Variants in SIPA1L1 observed in about 807,000 individuals in gnomAD.
SIPA1L1 encodes signal induced proliferation associated 1 like 1, also known as signal-induced proliferation-associated 1-like protein 1.
SIPA1L1 carries 26 observed loss-of-function variants against 162.7 expected under a neutral mutation model. The observed-to-expected ratio is 0.16, with a 90% CI of 0.12 to 0.22. The LOEUF is 0.22. Ranked by LOEUF, SIPA1L1 falls within the 10% of genes least tolerant of loss-of-function variation. The probability of loss-of-function intolerance (pLI) is 1.00; values close to 1 mark genes in which losing one functional copy is unlikely to be tolerated. For synonymous variants in SIPA1L1, 829 were observed against 837.4 expected (o/e 0.99, Z 0.17); for missense variants, 1,874 against 2,241.0 (o/e 0.84, Z 3.31).
At chr14:71,637,765 G>A (rs2041309500) in intron 7 of SIPA1L1, among the ~76,000 whole-genome samples, 1 of 151,802 alleles carries the variant, frequency 6.6e-6, no homozygotes, top group Admixed American at 6.6e-5. Flanking sequence ...TAGGTAGAGG[G>A]AAAAACATGG....
At chr14:71,481,381 A>T (rs182703027) in intron 2 of SIPA1L1, among the ~76,000 whole-genome samples, 34 of 152,256 alleles carry the variant, frequency 2.2e-4, no homozygotes, top group Non-Finnish European at 4.7e-4. Context: ...TGGGATGCTG[A>T]GGTGGGAGGA....
chr14:71,524,057 C>T (rs1046910715), intron 3 of SIPA1L1, among the ~76,000 whole-genome samples: 1 of 152,098 alleles, frequency 6.6e-6, no homozygotes, highest in African/African-American at 2.4e-5. Flanking sequence ...ATGTTATTAC[C>T]CTTAGGCTCT....
At chr14:71,524,832 T>A (rs2052701118) in intron 3 of SIPA1L1, among the ~76,000 whole-genome samples, 1 of 152,210 alleles carries the variant, frequency 6.6e-6, no homozygotes, top group Non-Finnish European at 1.5e-5. Context: ...ACCGACTCAT[T>A]CATGTCTCCA....
At chr14:71,661,494 T>G in intron 10 of SIPA1L1, 27 bp downstream of exon 10, 4 of 1,600,632 alleles carry the variant, frequency 2.5e-6, no homozygotes, top group Non-Finnish European at 2.6e-6. Flanking sequence ...CAGCAGGGGC[T>G]CTGTGGATGT....
intron 7 of SIPA1L1, among the ~76,000 whole-genome samples, chr14:71,649,840 A>G (rs1236375846): frequency 6.6e-6 from 1 of 152,136 alleles, no homozygotes; most frequent in Non-Finnish European, 1.5e-5. Flanking sequence ...GTATTGGGAG[A>G]TAAGTCTTTT....
At chr14:71,673,114 T>A (rs1355859250) in intron 12 of SIPA1L1, among the ~76,000 whole-genome samples, 1 of 152,252 alleles carries the variant, frequency 6.6e-6, no homozygotes, top group Non-Finnish European at 1.5e-5. Flanking sequence ...CTGCATGTGC[T>A]AGGGTTTGGC....
chr14:71,494,223 T>G (rs1439319938), intron 2 of SIPA1L1, among the ~76,000 whole-genome samples: 1 of 152,214 alleles, frequency 6.6e-6, no homozygotes, highest in African/African-American at 2.4e-5. Flanking sequence ...AGGGAAAGCT[T>G]TCAGTCTTTT....
chr14:71,423,098 CT>C (rs2043306114), intron 2 of SIPA1L1, among the ~76,000 whole-genome samples: 1 of 152,082 alleles, frequency 6.6e-6, no homozygotes, highest in African/African-American at 2.4e-5. Context: ...TTTTTATGTG[CT>C]TATTGGCCAT....
chr14:71,735,669 A>G (rs2085220946), intron 22 of SIPA1L1: 2 of 315,632 alleles, frequency 6.3e-6, no homozygotes, highest in African/African-American at 4.3e-5. Context: ...GGCAGGTAGG[A>G]GAGACCATTT....
At chr14:71,658,000 A>G (rs1316908744) in intron 8 of SIPA1L1, among the ~76,000 whole-genome samples, 1 of 152,150 alleles carries the variant, frequency 6.6e-6, no homozygotes, top group Non-Finnish European at 1.5e-5. Context: ...TAGATATTAG[A>G]CCAACTGCTA....
intron 8 of SIPA1L1, among the ~76,000 whole-genome samples, chr14:71,654,462 G>A (rs373137005): frequency 6.6e-5 from 10 of 152,284 alleles, no homozygotes; most frequent in Middle Eastern, 3.4e-3. Context: ...AGGCTTGTTT[G>A]TCACGTCAGT....
chr14:71,704,936 G>T, intron 15 of SIPA1L1: 2 of 654,518 alleles, frequency 3.1e-6, no homozygotes, highest in Admixed American at 5.0e-5. Context: ...CAAACCAAAA[G>T]TTGATTCTGA....
At chr14:71,580,058 G>GT (rs966116649) in intron 4 of SIPA1L1, among the ~76,000 whole-genome samples, 8 of 152,124 alleles carry the variant, frequency 5.3e-5, no homozygotes, top group African/African-American at 1.9e-4. Context: ...TCTCTGCTGC[G>GT]TTTTTTACAG....
At chr14:71,458,308 G>GAGTGTCT in intron 2 of SIPA1L1, among the ~76,000 whole-genome samples, 1 of 152,266 alleles carries the variant, frequency 6.6e-6, no homozygotes, top group African/African-American at 2.4e-5. Flanking sequence ...TGGCACTCTA[G>GAGTGTCT]ACATTGTATG....
chr14:71,519,301 AC>A, intron 3 of SIPA1L1, among the ~76,000 whole-genome samples: 2 of 152,244 alleles, frequency 1.3e-5, no homozygotes, highest in South Asian at 4.1e-4. Context: ...CCTGCCTCAA[AC>A]AAAAACAAAA....
intron 7 of SIPA1L1, among the ~76,000 whole-genome samples, chr14:71,637,204 C>G (rs2041245616): frequency 6.6e-6 from 1 of 151,332 alleles, no homozygotes; most frequent in African/African-American, 2.4e-5. Flanking sequence ...TCTAACAAGA[C>G]TGACAAAGAA....
Position 71,650,236 on chromosome 14 carries a change from C to G in SIPA1L1, c.1819-99C>G. On this transcript the variant is annotated intron_variant, in intron 7 of 23. Coordinates refer to ENST00000381232, the MANE Select transcript of SIPA1L1 (RefSeq NM_001386936.1). ...GATTTCAAGAGAAGAAAGGTGTTAG[C>G]TATTTTCTGGGCATGTGCCCTATAG... 6.9e-6 allele frequency: 8 copies of G among 1,167,276 alleles called. No homozygotes were observed. The South Asian group carries it at 7.5e-5, about 11-fold the overall frequency. 72.3% of individuals were successfully genotyped at this position (1,167,276 alleles called of 1,614,324 possible).
intron 4 of SIPA1L1, among the ~76,000 whole-genome samples, chr14:71,565,583 T>C (rs901033796): frequency 2.0e-5 from 3 of 152,232 alleles, no homozygotes; most frequent in Non-Finnish European, 4.4e-5. Context: ...CCATGTCCTT[T>C]AGTGAAGGTG....
intron 5 of SIPA1L1, among the ~76,000 whole-genome samples, chr14:71,609,049 T>C (rs1171548312): frequency 6.6e-6 from 1 of 152,206 alleles, no homozygotes; most frequent in African/African-American, 2.4e-5. Context: ...GCATACTCCT[T>C]TTTAAAATAA....
Sources: gnomAD v4.1 joint callset for allele counts (sites outside exome capture counted in the v4.1 genomes callset) on GRCh38, gnomAD v4.1.1 for gene constraint, MANE v1.5 for transcripts, NCBI Gene and HGNC (gene_info 2026-07-23, HGNC 2026-07-21) for gene names.